ASB5: variants seen among roughly 807,000 people sequenced by gnomAD.
ASB5 encodes ankyrin repeat and SOCS box containing 5.
In ASB5, 45 loss-of-function variants were observed where a neutral mutation model predicts 42.1. The ratio of observed to expected loss-of-function variants is 1.07; its 90% CI spans 0.84 to 1.37. The LOEUF is 1.37. Ranked by LOEUF, ASB5 falls within the 40% of genes most tolerant of loss-of-function variation. The pLI is 0.00. For synonymous variants in ASB5, 147 were observed against 150.6 expected (o/e 0.98, Z 0.18); for missense variants, 402 against 399.8 (o/e 1.01, Z -0.05).
At chr4:176,216,796 T>G in intron 6 of ASB5, 22 bp downstream of exon 6, 1 of 1,519,086 alleles carries the variant, frequency 6.6e-7, no homozygotes, top group Non-Finnish European at 8.8e-7. Flanking sequence ...TTTTTGTAAG[T>G]TTCCACATGT....
At chr4:176,218,243 GATATATAAAT>G (rs1753036186) in intron 5 of ASB5, among the ~76,000 whole-genome samples, 2 of 40,622 alleles carry the variant, frequency 4.9e-5, no homozygotes, top group African/African-American at 2.4e-4. Context: ...ATATTTGTAT[GATATATAAAT>G]ATATATATAT....
At chr4:176,219,955 G>C (rs1184836099) in intron 5 of ASB5, among the ~76,000 whole-genome samples, 1 of 152,044 alleles carries the variant, frequency 6.6e-6, no homozygotes, top group African/African-American at 2.4e-5. Context: ...GTTTCCCTTG[G>C]CCACACTGGA....
intron 1 of ASB5, among the ~76,000 whole-genome samples, chr4:176,247,937 C>G (rs1329320059): frequency 6.6e-6 from 1 of 152,056 alleles, no homozygotes; most frequent in African/African-American, 2.4e-5. Context: ...AAAATAACTT[C>G]TAAAACTCAA....
chr4:176,232,270 G>A (rs1753569456), intron 1 of ASB5, among the ~76,000 whole-genome samples: 1 of 151,782 alleles, frequency 6.6e-6, no homozygotes, highest in Admixed American at 6.6e-5. Context: ...TTACAGACAT[G>A]TGCCAACACA....
intron 1 of ASB5, among the ~76,000 whole-genome samples, chr4:176,246,749 T>C (rs1477409356): frequency 6.6e-6 from 1 of 152,218 alleles, no homozygotes; most frequent in Non-Finnish European, 1.5e-5. Flanking sequence ...TGATGGTTAA[T>C]GACAGAATGT....
At chr4:176,251,712 G>A (rs113831605) in intron 1 of ASB5, among the ~76,000 whole-genome samples, 3 of 151,056 alleles carry the variant, frequency 2.0e-5, no homozygotes, top group African/African-American at 7.3e-5. Flanking sequence ...CGATCTTCGA[G>A]TTAATAAGAC....
intron 1 of ASB5, among the ~76,000 whole-genome samples, chr4:176,248,013 C>T (rs1753945541): frequency 6.6e-6 from 1 of 152,124 alleles, no homozygotes; most frequent in Non-Finnish European, 1.5e-5. Flanking sequence ...GAGCACATTG[C>T]AAAGGAAGAA....
Position 176,216,985 on chromosome 4 carries a change from T to C in ASB5, c.695A>G (p.Tyr232Cys), listed in dbSNP as rs1468923911. 1.2e-6 allele frequency: 2 copies of C among 1,609,590 alleles called. No individual in the cohort carries two copies. The highest frequency in any genetic ancestry group is 8.5e-7 in the Non-Finnish European group (1 of 1,178,638). Residue 232 changes from tyrosine to cysteine, a missense_variant, in exon 6 of 7, where the codon TAT becomes TGT. Transcript: ENST00000296525. Reference protein sequence around the residue: ...YAGADVQKGKYWDTPLHAAAQ... With the variant: ...YAGADVQKGKCWDTPLHAAAQ... ...AGCAGCATGTAATGGAGTATCCCAATATTTGCCTTTCTGTACGTCAGCACC... is the reference window on the plus strand; with the variant it reads ...AGCAGCATGTAATGGAGTATCCCAACATTTGCCTTTCTGTACGTCAGCACC...
chr4:176,236,911 T>C (rs1332553012), intron 1 of ASB5, among the ~76,000 whole-genome samples: 3 of 152,254 alleles, frequency 2.0e-5, no homozygotes, highest in East Asian at 1.9e-4. Flanking sequence ...ACTCATTTTC[T>C]TGCCTAAATC....
At chr4:176,273,387 T>C (rs1029857386), upstream of ASB5, among the ~76,000 whole-genome samples, 42 of 152,152 alleles carry the variant, frequency 2.8e-4, no homozygotes, top group African/African-American at 9.7e-4. Context: ...GTCACGGTAA[T>C]ATATTCACTA....
chr4:176,238,586 A>G (rs1367246575), intron 1 of ASB5, among the ~76,000 whole-genome samples: 1 of 152,212 alleles, frequency 6.6e-6, no homozygotes, highest in Non-Finnish European at 1.5e-5. Context: ...GCTGGTGATC[A>G]CGTTACAGAG....
At position 176,269,116 on chromosome 4, in the gene ASB5, G is replaced by A. The variant is rs750744090; in HGVS notation, c.-8C>T. ...TTCTTCTAACACCGACATTGCTGCA[G>A]AAGAATCTGCGGCGGTCTTTAGTTG... On this transcript the variant is annotated 5_prime_UTR_variant, in exon 1 of 7. Transcript: ENST00000296525. The A allele has an allele frequency of 3.1e-6, 5 of 1,608,202 alleles. No homozygotes were observed. Among genetic ancestry groups the A allele is most frequent in the East Asian group, 2.2e-5 (1 of 44,672 alleles).
At chr4:176,260,035 T>G (rs1215189439) in intron 1 of ASB5, among the ~76,000 whole-genome samples, 6 of 152,256 alleles carry the variant, frequency 3.9e-5, no homozygotes, top group African/African-American at 1.4e-4. Flanking sequence ...CAGCTATGAC[T>G]CATATTATCA....
chr4:176,269,230 CCTA>C (rs1754425118), upstream of ASB5: 7 of 756,368 alleles, frequency 9.3e-6, no homozygotes, highest in South Asian at 1.5e-4. Context: ...GGTAGTGATG[CCTA>C]CAGCTCAAAA....
chr4:176,254,292 G>C (rs1754105241), intron 1 of ASB5, among the ~76,000 whole-genome samples: 1 of 152,116 alleles, frequency 6.6e-6, no homozygotes, highest in Non-Finnish European at 1.5e-5. Context: ...CAACAAAGTT[G>C]ACAAAAATAA....
chr4:176,223,934 GT>G (rs1298208087), intron 2 of ASB5, among the ~76,000 whole-genome samples: 1 of 152,052 alleles, frequency 6.6e-6, no homozygotes, highest in Non-Finnish European at 1.5e-5. Context: ...CCTTTTTAGT[GT>G]TTATTTTCCT....
At chr4:176,240,358 C>G (rs1346818669) in intron 1 of ASB5, among the ~76,000 whole-genome samples, 1 of 152,130 alleles carries the variant, frequency 6.6e-6, no homozygotes, top group Non-Finnish European at 1.5e-5. Flanking sequence ...AATTCTATCT[C>G]CAGGAACTAT....
chr4:176,249,247 G>A (rs554325202), intron 1 of ASB5, among the ~76,000 whole-genome samples: 270 of 152,324 alleles, frequency 1.8e-3, no homozygotes, highest in African/African-American at 6.3e-3. Flanking sequence ...GATTACAGGC[G>A]TGAGCCACCG....
chr4:176,259,508 G>A (rs144288914), intron 1 of ASB5, among the ~76,000 whole-genome samples: 13 of 152,308 alleles, frequency 8.5e-5, no homozygotes, highest in African/African-American at 3.1e-4. Flanking sequence ...CTGTTTCCAT[G>A]GTCATTATTT....
Sources: allele counts gnomAD v4.1 joint callset (sites outside exome capture counted in the v4.1 genomes callset), GRCh38; gene constraint gnomAD v4.1.1; transcripts MANE v1.5; gene names NCBI Gene and HGNC (gene_info 2026-07-23, HGNC 2026-07-21).